SDC2: variants seen among roughly 807,000 people sequenced by gnomAD.
SDC2 encodes the protein syndecan 2.
In SDC2, 13 loss-of-function variants were observed where a neutral mutation model predicts 22.2. The ratio of observed to expected loss-of-function variants is 0.59; its 90% CI spans 0.38 to 0.93. SDC2 has a LOEUF of 0.93. SDC2 is among the 40% of genes least tolerant of loss of function. The pLI, the probability that SDC2 is intolerant of heterozygous loss-of-function variation, is 0.00. For missense variants in SDC2, 235 were observed against 246.8 expected (o/e 0.95, Z 0.32); for synonymous variants, 94 against 92.8 (o/e 1.01, Z -0.07).
intron 1 of SDC2, among the ~76,000 whole-genome samples, chr8:96,532,419 T>TG (rs1242567593): frequency 8.4e-5 from 12 of 142,420 alleles, no homozygotes; most frequent in African/African-American, 2.9e-4. Flanking sequence ...GGCGTTTTTT[T>TG]TTTTTTTTTT....
chr8:96,563,688 T>C (rs1289815718), intron 1 of SDC2, among the ~76,000 whole-genome samples: 1 of 152,240 alleles, frequency 6.6e-6, no homozygotes, highest in Non-Finnish European at 1.5e-5. Flanking sequence ...TCTCTAATTC[T>C]AATACGTTTT....
chr8:96,596,489 G>A (rs1372845483), intron 2 of SDC2, among the ~76,000 whole-genome samples: 2 of 152,186 alleles, frequency 1.3e-5, no homozygotes, highest in Non-Finnish European at 2.9e-5. Flanking sequence ...ATAAGCATTT[G>A]CTGTGTGCCA....
intron 1 of SDC2, among the ~76,000 whole-genome samples, chr8:96,505,122 C>T (rs2575708): frequency 6.6e-6 from 1 of 151,870 alleles, no homozygotes; most frequent in Non-Finnish European, 1.5e-5. Context: ...TTTTTAGTCA[C>T]GCAAGTTATG....
rs200002285 is a variant in SDC2, at chr8:96,494,236, C to G, written c.-36C>G. On this transcript the variant is annotated 5_prime_UTR_variant, in exon 1 of 5. Coordinates refer to ENST00000302190, the MANE Select transcript of SDC2 (RefSeq NM_002998.4). ...AGGAGGCTTCGTTTTGCCCTGGTTG[C>G]AAGCAGCGGCTGGGAGCAGCCGGTC... The G allele has an allele frequency of 3.0e-4, 464 of 1,539,532 alleles. 6 individuals are homozygous for G. In the South Asian group the frequency reaches 4.5e-3, roughly 15 times the overall value.
intron 1 of SDC2, among the ~76,000 whole-genome samples, chr8:96,496,875 C>G (rs1252539486): frequency 1.3e-5 from 2 of 152,166 alleles, no homozygotes; most frequent in African/African-American, 4.8e-5. Context: ...AAAGCCTGTT[C>G]CTAGTGATCC....
rs9649912 is a variant in SDC2 at position 96,589,118 on chromosome 8, T to G, written c.61-4362T>G. Among the ~76,000 whole-genome samples, 385 of 152,360 alleles carry G rather than the reference T, an allele frequency of 2.5e-3. 3 individuals carry two copies. The highest frequency in any genetic ancestry group is 4.3e-3 in the Non-Finnish European group (292 of 68,036). ...TTTTATTACAACTACCGTATAAGTT[T>G]GGGCTGAATCATTTTATCAAACTCT... On this transcript the variant is annotated intron_variant, in intron 1 of 4. Transcript: ENST00000302190.
chr8:96,552,803 A>G (rs1814048400), intron 1 of SDC2, among the ~76,000 whole-genome samples: 3 of 152,220 alleles, frequency 2.0e-5, no homozygotes, highest in African/African-American at 7.2e-5. Context: ...TGTTTCATAT[A>G]AAATGGTATC....
chr8:96,563,589 C>G (rs576948085), intron 1 of SDC2, among the ~76,000 whole-genome samples: 5 of 152,306 alleles, frequency 3.3e-5, no homozygotes, highest in Middle Eastern at 3.4e-3. Flanking sequence ...CCCAGAGTTT[C>G]TGATTCATTA....
chr8:96,529,337 A>G (rs1813624897), intron 1 of SDC2: 1 of 152,206 alleles, frequency 6.6e-6, no homozygotes, highest in African/African-American at 2.4e-5. Context: ...CTGGTGATTG[A>G]CTTACAGGTA....
intron 1 of SDC2, among the ~76,000 whole-genome samples, chr8:96,570,976 A>G (rs1457002816): frequency 2.0e-5 from 3 of 152,118 alleles, no homozygotes; most frequent in Admixed American, 6.5e-5. Context: ...AGGTCTAGAG[A>G]TGGATGTGGT....
intron 1 of SDC2, among the ~76,000 whole-genome samples, chr8:96,586,210 A>G (rs1814683773): frequency 6.6e-6 from 1 of 152,212 alleles, no homozygotes. Context: ...AGCTTTTTAA[A>G]AAAGAGACCA....
At chr8:96,546,591 A>G (rs1200004053) in intron 1 of SDC2, among the ~76,000 whole-genome samples, 2 of 152,124 alleles carry the variant, frequency 1.3e-5, no homozygotes, top group Non-Finnish European at 2.9e-5. Context: ...AGCCAGGGGA[A>G]TAGGGGATTG....
chr8:96,493,875 T>A lies in SDC2; in HGVS notation c.-397T>A, dbSNP rs562234217. 79 of 184,846 alleles carry A rather than the reference T, an allele frequency of 4.3e-4. No homozygotes were observed. The highest frequency in any genetic ancestry group is 1.8e-3 in the African/African-American group (76 of 42,556). 11.5% of individuals were successfully genotyped at this position (184,846 alleles called of 1,614,324 possible). ...TCCCGCCGCTCTGCCCCTAAACTTCTGCCGTAGCTCCCTTTCAAGCCAGCG... is the reference window on the plus strand; with the variant it reads ...TCCCGCCGCTCTGCCCCTAAACTTCAGCCGTAGCTCCCTTTCAAGCCAGCG... On this transcript the variant is annotated 5_prime_UTR_variant, in exon 1 of 5. Transcript: ENST00000302190.
At chr8:96,589,307 AAGC>A (rs892536284) in intron 1 of SDC2, among the ~76,000 whole-genome samples, 1 of 152,174 alleles carries the variant, frequency 6.6e-6, no homozygotes, top group Non-Finnish European at 1.5e-5. Context: ...TGGGTAGAGG[AAGC>A]AGCAGCAGCA....
chr8:96,609,452 C>T lies in SDC2; in HGVS notation c.510C>T (p.Arg170=), dbSNP rs1343399917. Residue 170 remains arginine, a synonymous_variant, in exon 5 of 5, where the codon CGC becomes CGT. Coordinates refer to ENST00000302190, the MANE Select transcript of SDC2 (RefSeq NM_002998.4). The part of the protein sequence containing the change: ...AIFLILLLVY[R]MRKKDEGSYD... ...TTCTTATCCTGCTGTTGGTGTATCG[C>T]ATGAGAAAGAAGGATGAAGGAAGCT... 1.2e-6 allele frequency: 2 copies of T among 1,613,418 alleles called. No homozygotes were observed. The highest frequency in any genetic ancestry group is 1.7e-5 in the Admixed American group (1 of 59,920).
At chr8:96,539,115 G>A (rs907401865) in intron 1 of SDC2, among the ~76,000 whole-genome samples, 5 of 152,128 alleles carry the variant, frequency 3.3e-5, no homozygotes, top group African/African-American at 7.2e-5. Flanking sequence ...TAATTTTCTC[G>A]TTTTTCTTTT....
chr8:96,574,150 TG>T (rs990303414), intron 1 of SDC2, among the ~76,000 whole-genome samples: 3 of 151,440 alleles, frequency 2.0e-5, no homozygotes, highest in Non-Finnish European at 2.9e-5. Context: ...AATTAACTCT[TG>T]GTGTAAGTGG....
intron 1 of SDC2, among the ~76,000 whole-genome samples, chr8:96,545,280 A>G (rs1345220354): frequency 6.6e-6 from 1 of 152,204 alleles, no homozygotes; most frequent in Non-Finnish European, 1.5e-5. Context: ...TCGGTTTTTA[A>G]AAATGTTTAC....
At chr8:96,540,786 T>C (rs978857063) in intron 1 of SDC2, among the ~76,000 whole-genome samples, 3 of 152,188 alleles carry the variant, frequency 2.0e-5, no homozygotes, top group African/African-American at 7.2e-5. Context: ...ACCACAGCGT[T>C]GAAAGTGAAG....
Sources: allele counts gnomAD v4.1 joint callset (sites outside exome capture counted in the v4.1 genomes callset), GRCh38; gene constraint gnomAD v4.1.1; transcripts MANE v1.5; gene names NCBI Gene and HGNC (gene_info 2026-07-23, HGNC 2026-07-21).